The following PRICKLE4 variants were observed in gnomAD, a reference collection of about 807,000 sequenced individuals.
PRICKLE4 encodes prickle-like protein 4.
Under a neutral mutation model 43.5 loss-of-function variants are expected in PRICKLE4, and 40 were observed. The ratio of observed to expected loss-of-function variants is 0.92; its 90% confidence interval spans 0.71 to 1.20. The LOEUF is 1.20. PRICKLE4 is among the 50% of genes most tolerant of loss of function. The probability of loss-of-function intolerance (pLI) is 0.00; values close to 1 mark genes in which losing one functional copy is unlikely to be tolerated. For missense variants in PRICKLE4, 527 were observed against 491.2 expected, an observed-to-expected ratio of 1.07 and a Z score of -0.69; for synonymous variants, 208 against 197.4, an observed-to-expected ratio of 1.05 and a Z score of -0.45.
chr6:41,786,911 C>T lies in PRICKLE4; in HGVS notation c.937C>T (p.Pro313Ser). 8 of 1,613,154 alleles carry T rather than the reference C, an allele frequency of 5.0e-6. No homozygotes were observed. Among genetic ancestry groups the T allele is most frequent in the East Asian group, 2.2e-5 (1 of 44,874 alleles). The change falls in exon 8 of 8, where the codon CCT becomes TCT. Residue 313 changes from proline (P) to serine (S), a missense_variant. Physicochemically the swap from Pro to Ser is moderately conservative, Grantham distance 74. Coordinates refer to ENST00000458694, the MANE Select transcript of PRICKLE4 (RefSeq NM_013397.6). ...PGSSPQQENR[P>S]GDKAEAPKGQ... ...ATCCAGTCCCCAGCAGGAGAACCGACCTGGGGACAAAGCGGAGGCACCCAA... is the reference window on the plus strand; with the variant it reads ...ATCCAGTCCCCAGCAGGAGAACCGATCTGGGGACAAAGCGGAGGCACCCAA...
intron 2 of PRICKLE4, among the ~76,000 whole-genome samples, chr6:41,782,383 CTTCTTTTTT>C (rs1430118966): frequency 1.4e-5 from 1 of 70,426 alleles, no homozygotes; most frequent in Non-Finnish European, 2.7e-5. Flanking sequence ...ATGGTCACTT[CTTCTTTTTT>C]TTTTTTTTTT....
Position 41,787,200 on chromosome 6 carries a change from C to T in PRICKLE4, c.*71C>T. 1 of 1,504,800 alleles carries T rather than the reference C, an allele frequency of 6.6e-7. No homozygotes were observed. Among genetic ancestry groups the T allele is most frequent in the Non-Finnish European group, 8.8e-7 (1 of 1,135,682 alleles). 93.2% of individuals were successfully genotyped at this position (1,504,800 alleles called of 1,614,324 possible). On this transcript the variant is annotated 3_prime_UTR_variant, in exon 8 of 8. Transcript: ENST00000458694. The stretch of plus-strand genomic sequence containing the variant: ...TAAAGCGGGAGAACAAGGCTAGCCT[C>T]CCCCTAACAATCCTAGACTGAGACG...
Position 41,786,987 on chromosome 6 carries a change from C to G in PRICKLE4, c.1013C>G (p.Pro338Arg). ...LETIRDPKDTPFSTCSSSSDS... is the reference protein window; with the variant it reads ...LETIRDPKDTRFSTCSSSSDS... ...ACTATTCGTGATCCCAAGGACACCC[C>G]TTTCTCCACCTGCTCCTCCTCCTCT... Residue 338 changes from proline (P) to arginine (R), a missense_variant, in exon 8 of 8, where the codon CCT becomes CGT. Coordinates refer to ENST00000458694, the MANE Select transcript of PRICKLE4 (RefSeq NM_013397.6). The G allele has an allele frequency of 3.1e-6, 5 of 1,614,046 alleles. No individual in the cohort carries two copies. Among genetic ancestry groups the G allele is most frequent in the Non-Finnish European group, 4.2e-6 (5 of 1,179,964 alleles).
At chr6:41,785,093 C>A (rs771348674) in intron 5 of PRICKLE4, 21 bp downstream of exon 5, 3 of 1,612,580 alleles carry the variant, frequency 1.9e-6, no homozygotes, top group Non-Finnish European at 2.5e-6. Context: ...CCCCTCCCCC[C>A]AAATTCCCCT....
Position 41,785,339 on chromosome 6 carries a change from T to C in PRICKLE4, c.381T>C (p.Cys127=), listed in dbSNP as rs201272417. Residue 127 remains cysteine, a splice_region_variant and synonymous_variant, in exon 6 of 8, where the codon TGT becomes TGC. Coordinates refer to ENST00000458694, the MANE Select transcript of PRICKLE4 (RefSeq NM_013397.6). ...PKLEGHTCEK[C]RELLKPGEYG... ...CCTCAGCACCTCCCCTCTGACAGTGTAGGGAGCTGCTGAAGCCAGGGGAGT... is the reference window on the plus strand; with the variant it reads ...CCTCAGCACCTCCCCTCTGACAGTGCAGGGAGCTGCTGAAGCCAGGGGAGT... 1.4e-4 allele frequency: 232 copies of C among 1,613,770 alleles called. 1 individual carries two copies. The East Asian group carries it at 2.5e-3, about 18-fold the overall frequency.
At chr6:41,786,461 C>G in intron 7 of PRICKLE4, 129 bp downstream of exon 7, 1 of 1,170,484 alleles carries the variant, frequency 8.5e-7, no homozygotes, top group Non-Finnish European at 1.2e-6. Flanking sequence ...CCGCACCCCC[C>G]AGACCCAAGC....
In PRICKLE4 at chr6:41,786,281, T is replaced by C. The variant is rs1353987825; in HGVS notation, c.736T>C (p.Ser246Pro). ...CCPSCFENRY[S>P]DAGSSWAGAL... ...CCCCAGCTGCTTCGAGAACCGCTAC[T>C]CGGATGCAGGCTCGAGCTGGGCCGG... The change falls in exon 7 of 8, where the codon TCG becomes CCG. Residue 246 changes from serine (S) to proline (P), a missense_variant. By Grantham distance (74) the Ser-to-Pro change is moderately conservative (BLOSUM62 -1). Coordinates refer to ENST00000458694, the MANE Select transcript of PRICKLE4 (RefSeq NM_013397.6). 6.3e-7 allele frequency: 1 copy of C among 1,594,942 alleles called. No individual in the cohort carries two copies. Among genetic ancestry groups the C allele is most frequent in the Admixed American group, 1.7e-5 (1 of 59,048 alleles).
At chr6:41,784,895 C>T (rs1772613853) in intron 4 of PRICKLE4, 40 bp from the exon 5 acceptor site, 2 of 1,609,964 alleles carry the variant, frequency 1.2e-6, no homozygotes, top group Admixed American at 3.4e-5. Context: ...ATGTTTTCTG[C>T]TGGAGCTCTC....
intron 7 of PRICKLE4, 42 bp from the exon 8 acceptor site, chr6:41,786,719 TC>T (rs758580304): frequency 6.2e-7 from 1 of 1,611,726 alleles, no homozygotes; most frequent in Non-Finnish European, 8.5e-7. Flanking sequence ...TAGGTCCAGC[TC>T]CGCGGCTCTG....
rs201691146 is a variant in PRICKLE4, at chr6:41,786,695, C to A, written c.788-67C>A. 25 of 1,607,508 alleles carry A rather than the reference C, an allele frequency of 1.6e-5. No individual in the cohort carries two copies. The African/African-American group carries it at 3.3e-4, about 21-fold the overall frequency. On this transcript the variant is annotated intron_variant, in intron 7 of 7. Transcript: ENST00000458694. ...GGGGCGGGAGGCTGGGCCTCACCCC[C>A]ACTAGCTGCGGTGTAGGTCCAGCTC...
At chr6:41,786,609 CG>C (rs1256907465) in intron 7 of PRICKLE4, 152 bp from the exon 8 acceptor site, 7 of 1,304,012 alleles carry the variant, frequency 5.4e-6, no homozygotes, top group Non-Finnish European at 7.3e-6. Context: ...CTGGTGGAGG[CG>C]GGGGACCCTG....
At chr6:41,786,054 A>G in intron 6 of PRICKLE4, 74 bp from the exon 7 acceptor site, 2 of 1,485,384 alleles carry the variant, frequency 1.3e-6, no homozygotes, top group Non-Finnish European at 9.3e-7. Context: ...AACTGGGTAA[A>G]AGGCGTGGTT....
Position 41,787,154 on chromosome 6 carries a change from G to C in PRICKLE4, c.*25G>C. The stretch of plus-strand genomic sequence containing the variant: ...GTGGCGCAGCTCAGAGAGGGGATGT[G>C]AGTGGGAGGAAAGGGGTCTGTAAAG... On this transcript the variant is annotated 3_prime_UTR_variant, in exon 8 of 8. Transcript: ENST00000458694. 3.8e-6 allele frequency: 6 copies of C among 1,573,634 alleles called. No individual in the cohort carries two copies. The highest frequency in any genetic ancestry group is 5.2e-6 in the Non-Finnish European group (6 of 1,164,814).
At chr6:41,784,349 G>C (rs1772605312) in intron 4 of PRICKLE4, 111 bp downstream of exon 4, 1 of 846,900 alleles carries the variant, frequency 1.2e-6, no homozygotes, top group Non-Finnish European at 1.8e-6. Flanking sequence ...TTAATGCCCA[G>C]CTATGGCACT....
chr6:41,783,617 G>T lies in PRICKLE4; in HGVS notation c.132+12G>T. On this transcript the variant is annotated intron_variant, in intron 3 of 7. Transcript: ENST00000458694. ...ATACCCATGCTCAGGTAGTAGAGTC[G>T]TGCCCTTCCTCTGAGACCAACATGT... 1 of 1,613,092 alleles carries T rather than the reference G, an allele frequency of 6.2e-7. No homozygotes were observed. Among genetic ancestry groups the T allele is most frequent in the Non-Finnish European group, 8.5e-7 (1 of 1,179,336 alleles).
At chr6:41,782,235 CT>C (rs1188576667) in intron 2 of PRICKLE4, among the ~76,000 whole-genome samples, 1 of 151,768 alleles carries the variant, frequency 6.6e-6, no homozygotes, top group African/African-American at 2.4e-5. Flanking sequence ...CCACGCCCAG[CT>C]TATTTTTGTA....
At chr6:41,783,652 T>C in intron 3 of PRICKLE4, 47 bp downstream of exon 3, 1 of 1,613,876 alleles carries the variant, frequency 6.2e-7, no homozygotes, top group Non-Finnish European at 8.5e-7. Flanking sequence ...TCCTCTATCC[T>C]GTGGAGTGGC....
At chr6:41,786,458 C>T (rs979635869) in intron 7 of PRICKLE4, 126 bp downstream of exon 7, 2 of 1,189,948 alleles carry the variant, frequency 1.7e-6, no homozygotes, top group Non-Finnish European at 1.2e-6. Context: ...CCACCGCACC[C>T]CCCAGACCCA....
At chr6:41,782,280 C>T (rs1772565384) in intron 2 of PRICKLE4, among the ~76,000 whole-genome samples, 1 of 151,826 alleles carries the variant, frequency 6.6e-6, no homozygotes, top group Non-Finnish European at 1.5e-5. Context: ...CCATGTTGGC[C>T]AGGATGGTCT....
Sources: gnomAD v4.1 joint callset for allele counts (sites outside exome capture counted in the v4.1 genomes callset) on GRCh38, gnomAD v4.1.1 for gene constraint, MANE v1.5 for transcripts, NCBI Gene and HGNC (gene_info 2026-07-23, HGNC 2026-07-21) for gene names.